Variants in TSPAN9 observed in about 807,000 individuals in gnomAD.
TSPAN9 encodes tetraspanin-9.
Under a neutral mutation model 31.0 loss-of-function variants are expected in TSPAN9, and 16 were observed. The observed-to-expected ratio is 0.52, with a 90% confidence interval of 0.35 to 0.78. The LOEUF (loss-of-function observed/expected upper bound fraction) is 0.78. Ranked by LOEUF, TSPAN9 falls within the 30% of genes least tolerant of loss-of-function variation. The pLI, the probability that TSPAN9 is intolerant of heterozygous loss-of-function variation, is 0.01. For synonymous variants in TSPAN9, 145 were observed against 121.6 expected (o/e 1.19, Z -1.27); for missense variants, 272 against 312.5 (o/e 0.87, Z 0.98).
At chr12:3,087,419 C>T (rs955145415) in intron 2 of TSPAN9, among the ~76,000 whole-genome samples, 1 of 152,138 alleles carries the variant, frequency 6.6e-6, no homozygotes, top group African/African-American at 2.4e-5. Context: ...GAGGCTGAGG[C>T]AGGAGGATTG....
At chr12:3,118,279 T>TTCTTTTTTTTTTTTTTTTG (rs2098323512) in intron 2 of TSPAN9, among the ~76,000 whole-genome samples, 1 of 130,072 alleles carries the variant, frequency 7.7e-6, no homozygotes, top group Non-Finnish European at 1.6e-5. Flanking sequence ...TTTTTTTTTT[T>TTCTTTTTTTTTTTTTTTTG]TGAGATGGAG....
chr12:3,211,772 T>C lies in TSPAN9; in HGVS notation c.63+10516T>C, dbSNP rs564214328. The stretch of plus-strand genomic sequence containing the variant: ...AACACACAAAACTACTGTTTGTGCA[T>C]GGCTAAAGACCGTGGTGATTTTATA... On this transcript the variant is annotated intron_variant, in intron 3 of 8. Transcript: ENST00000011898. The C allele has an allele frequency of 2.5e-6, 4 of 1,597,654 alleles. No individual in the cohort carries two copies. In the African/African-American group the frequency reaches 5.3e-5, roughly 21 times the overall value.
intron 2 of TSPAN9, among the ~76,000 whole-genome samples, chr12:3,142,859 T>C (rs971878143): frequency 3.3e-5 from 5 of 152,250 alleles, no homozygotes; most frequent in African/African-American, 1.2e-4. Context: ...TAGATTTCAC[T>C]GTTCCCACGA....
Position 3,152,527 on chromosome 12 carries a change from G to T in TSPAN9, c.-17-48650G>T, listed in dbSNP as rs1277699228. The stretch of plus-strand genomic sequence containing the variant: ...AAAGAATGAGGGAAGGACAGTCTTG[G>T]GGGAGAATGCTGGACTGGCTGTTTC... On this transcript the variant is annotated intron_variant, in intron 2 of 8. Transcript: ENST00000011898. Among the ~76,000 whole-genome samples, 3 of 152,226 alleles carry T rather than the reference G, an allele frequency of 2.0e-5. No individual in the cohort carries two copies. In the East Asian group the frequency reaches 5.8e-4, roughly 29 times the overall value.
Position 3,166,954 on chromosome 12 carries a change from G to A in TSPAN9, c.-17-34223G>A, listed in dbSNP as rs549543949. On this transcript the variant is annotated intron_variant, in intron 2 of 8. Coordinates refer to ENST00000011898, the MANE Select transcript of TSPAN9 (RefSeq NM_006675.5). Reference sequence around the variant, plus strand: ...TGGGATTACAGGCATGCGCCACCACGCCCGGCTAATTTTTGTATTTTTAGT... The same window carrying A: ...TGGGATTACAGGCATGCGCCACCACACCCGGCTAATTTTTGTATTTTTAGT... 1.9e-4 allele frequency among the ~76,000 whole-genome samples: 29 copies of A among 152,128 alleles called. No individual in the cohort carries two copies. In the South Asian group the frequency reaches 6.0e-3, roughly 32 times the overall value.
intron 3 of TSPAN9, chr12:3,211,761 C>T (rs1186968105): frequency 1.2e-5 from 19 of 1,597,588 alleles, no homozygotes; most frequent in Middle Eastern, 2.2e-4. Context: ...CACAAAACTA[C>T]TGTTTGTGCA....
At chr12:3,248,214 G>C (rs569742603) in intron 3 of TSPAN9, among the ~76,000 whole-genome samples, 1 of 152,140 alleles carries the variant, frequency 6.6e-6, no homozygotes, top group Non-Finnish European at 1.5e-5. Flanking sequence ...CTTCCTTCAA[G>C]GTGCTGTGGC....
intron 3 of TSPAN9, among the ~76,000 whole-genome samples, chr12:3,245,733 C>T (rs1453382089): frequency 6.6e-6 from 1 of 152,208 alleles, no homozygotes; most frequent in Non-Finnish European, 1.5e-5. Flanking sequence ...GTGTGGTGGG[C>T]AGACCGGCCC....
chr12:3,264,401 T>A (rs967835664), intron 3 of TSPAN9, among the ~76,000 whole-genome samples: 1 of 152,222 alleles, frequency 6.6e-6, no homozygotes, highest in Non-Finnish European at 1.5e-5. Flanking sequence ...AAACTTGTTT[T>A]ACGGTCCAGA....
chr12:3,229,750 C>T (rs2098389706), intron 3 of TSPAN9, among the ~76,000 whole-genome samples: 2 of 151,752 alleles, frequency 1.3e-5, no homozygotes, highest in Non-Finnish European at 2.9e-5. Context: ...ATCGCACCTG[C>T]CAGGCACAGC....
chr12:3,245,845 G>A (rs184692036), intron 3 of TSPAN9, among the ~76,000 whole-genome samples: 1,922 of 152,058 alleles, frequency 0.013, 22 homozygotes, highest in Non-Finnish European at 0.021. Context: ...TTTGCTGGGC[G>A]GATTTGGGCA....
At chr12:3,272,167 G>T (rs1161306380) in intron 3 of TSPAN9, among the ~76,000 whole-genome samples, 2 of 152,190 alleles carry the variant, frequency 1.3e-5, no homozygotes, top group African/African-American at 4.8e-5. Context: ...GATGCCAGAA[G>T]CCCAGGTGCC....
chr12:3,235,710 C>T (rs1262509873), intron 3 of TSPAN9, among the ~76,000 whole-genome samples: 1 of 152,178 alleles, frequency 6.6e-6, no homozygotes, highest in African/African-American at 2.4e-5. Flanking sequence ...AAGGCGGTGC[C>T]TCTGTGAACT....
chr12:3,211,045 T>C (rs1056384266), intron 3 of TSPAN9, among the ~76,000 whole-genome samples: 2 of 152,202 alleles, frequency 1.3e-5, no homozygotes, highest in African/African-American at 4.8e-5. Context: ...GGCGCCCTGC[T>C]TCAGCTTTAC....
At chr12:3,162,941 C>T (rs532020486) in intron 2 of TSPAN9, among the ~76,000 whole-genome samples, 7 of 152,298 alleles carry the variant, frequency 4.6e-5, no homozygotes, top group Non-Finnish European at 5.9e-5. Context: ...CGGAGGGACA[C>T]GTCTTCTCCT....
chr12:3,204,966 G>C (rs2098374166), intron 3 of TSPAN9, among the ~76,000 whole-genome samples: 1 of 152,160 alleles, frequency 6.6e-6, no homozygotes, highest in Non-Finnish European at 1.5e-5. Flanking sequence ...AGGAGACTCG[G>C]AGCTTCAAAC....
intron 3 of TSPAN9, among the ~76,000 whole-genome samples, chr12:3,215,963 G>C (rs1456553641): frequency 1.3e-5 from 2 of 152,216 alleles, no homozygotes; most frequent in Non-Finnish European, 2.9e-5. Flanking sequence ...TTACGGGGAT[G>C]AGCATGAAAA....
Position 3,122,635 on chromosome 12 carries a change from C to A in TSPAN9, c.-18+38916C>A, listed in dbSNP as rs540096634. ...AGGAGACCATAGATAAGGAAGTTGG[C>A]AAGAACCCCTCTTAACAGAGAGGTT... On this transcript the variant is annotated intron_variant, in intron 2 of 8. Transcript: ENST00000011898. 5.9e-5 allele frequency among the ~76,000 whole-genome samples: 9 copies of A among 152,132 alleles called. No individual in the cohort carries two copies. In the East Asian group the frequency reaches 1.8e-3, roughly 30 times the overall value.
intron 2 of TSPAN9, among the ~76,000 whole-genome samples, chr12:3,090,243 T>C (rs1859656122): frequency 1.3e-5 from 2 of 152,230 alleles, no homozygotes; most frequent in African/African-American, 4.8e-5. Context: ...ACTTGCTGAA[T>C]GGATTTTGTT....
Sources: allele counts gnomAD v4.1 joint callset (sites outside exome capture counted in the v4.1 genomes callset), GRCh38; gene constraint gnomAD v4.1.1; transcripts MANE v1.5; gene names NCBI Gene and HGNC (gene_info 2026-07-23, HGNC 2026-07-21).